Variants in LDAF1 observed in about 807,000 individuals in gnomAD.
The protein encoded by LDAF1 is lipid droplet assembly factor 1, also known as PROMETHIN.
A neutral mutation model predicts 13.5 loss-of-function variants in LDAF1; 7 were observed. That is an observed-to-expected ratio of 0.52 (90% CI 0.29 to 0.97). LDAF1 has a LOEUF of 0.97. LDAF1 is among the 50% of genes least tolerant of loss of function. The pLI, the probability that LDAF1 is intolerant of heterozygous loss-of-function variation, is 0.07. For synonymous variants in LDAF1, 69 were observed against 77.1 expected (o/e 0.89, Z 0.55); for missense variants, 148 against 193.2 (o/e 0.77, Z 1.39).
intron 4 of LDAF1, among the ~76,000 whole-genome samples, chr16:21,175,359 C>T (rs1182677380): frequency 1.3e-5 from 2 of 152,158 alleles, no homozygotes; most frequent in Non-Finnish European, 2.9e-5. Flanking sequence ...GAGAGTAGCA[C>T]AGAAGGGACT....
chr16:21,169,172 A>G, intron 2 of LDAF1: 1 of 984,930 alleles, frequency 1.0e-6, no homozygotes, highest in Non-Finnish European at 1.2e-6. Flanking sequence ...AGATTTTGCA[A>G]CTTGGAGGCT....
At chr16:21,174,733 G>A (rs1433296800) in intron 4 of LDAF1, among the ~76,000 whole-genome samples, 1 of 152,136 alleles carries the variant, frequency 6.6e-6, no homozygotes, top group Non-Finnish European at 1.5e-5. Flanking sequence ...CCTTTTAAAA[G>A]ATGTCCATTT....
intron 1 of LDAF1, chr16:21,159,266 C>G (rs558071352): frequency 2.8e-6 from 4 of 1,412,650 alleles, no homozygotes; most frequent in Non-Finnish European, 4.0e-6. Context: ...TACTCGACTC[C>G]CCTCTGAGTT....
chr16:21,180,227 C>CTTTTTTTTTTTTTTT lies in LDAF1; in HGVS notation c.*679_*693dup, dbSNP rs368048830. 2.1e-5 allele frequency: 2 copies of CTTTTTTTTTTTTTTT among 93,458 alleles called. No homozygotes were observed. Among genetic ancestry groups the CTTTTTTTTTTTTTTT allele is most frequent in the Non-Finnish European group, 4.1e-5 (2 of 49,162 alleles). The allele number at this position is 93,458 out of a possible 1,614,324, so 5.8% of individuals were successfully genotyped here. On this transcript the variant is annotated 3_prime_UTR_variant, in exon 5 of 5. Coordinates refer to ENST00000233047, the MANE Select transcript of LDAF1 (RefSeq NM_001301771.2). ...AGCTTGTCCTTTAAGTAATTTCTTT[C>CTTTTTTTTTTTTTTT]TTTTTTTTTTTTTTTTTTTTTTGTG...
chr16:21,159,651 G>A (rs560985498), intron 1 of LDAF1, among the ~76,000 whole-genome samples: 3 of 152,238 alleles, frequency 2.0e-5, no homozygotes, highest in Non-Finnish European at 4.4e-5. Context: ...CCCTTCTCGG[G>A]AGACAGCTCC....
At position 21,161,110 on chromosome 16, in the gene LDAF1, T is replaced by C; in HGVS notation, c.-73T>C. 1 of 1,583,738 alleles carries C rather than the reference T, an allele frequency of 6.3e-7. No homozygotes were observed. Among genetic ancestry groups the C allele is most frequent in the Non-Finnish European group, 8.6e-7 (1 of 1,167,180 alleles). On this transcript the variant is annotated 5_prime_UTR_variant, in exon 2 of 5. Coordinates refer to ENST00000233047, the MANE Select transcript of LDAF1 (RefSeq NM_001301771.2). Reference sequence around the variant, plus strand: ...CAAGAGACAGAGCGACATGAGAGATTGGACCGCGGGCTGCACTGGAGAATT... The same window carrying C: ...CAAGAGACAGAGCGACATGAGAGATCGGACCGCGGGCTGCACTGGAGAATT...
At chr16:21,176,556 T>TGGC (rs2093140171) in intron 4 of LDAF1, among the ~76,000 whole-genome samples, 1 of 151,954 alleles carries the variant, frequency 6.6e-6, no homozygotes, top group African/African-American at 2.4e-5. Flanking sequence ...GATGGGAGGA[T>TGGC]CATTTGGGCC....
chr16:21,178,307 C>T, intron 4 of LDAF1: 1 of 985,316 alleles, frequency 1.0e-6, no homozygotes, highest in Non-Finnish European at 1.2e-6. Context: ...AACTCACTAC[C>T]CCATATCATA....
At chr16:21,169,812 A>G (rs941871890) in intron 2 of LDAF1, among the ~76,000 whole-genome samples, 1 of 152,010 alleles carries the variant, frequency 6.6e-6, no homozygotes, top group Non-Finnish European at 1.5e-5. Flanking sequence ...TCCTTTCACA[A>G]GGCTTGACCT....
chr16:21,161,286 T>C lies in LDAF1; in HGVS notation c.96+8T>C, dbSNP rs766959108. The C allele has an allele frequency of 6.2e-7, 1 of 1,613,840 alleles. No individual in the cohort carries two copies. The highest frequency in any genetic ancestry group is 1.1e-5 in the South Asian group (1 of 90,996). ...TTCCAGAATAACTCAAAGGTCAGTT[T>C]CCAATCACTATGTATAATGGAAAAT... On this transcript the variant is annotated splice_region_variant and intron_variant, in intron 2 of 4. Transcript: ENST00000233047.
chr16:21,162,929 G>A (rs1235522015), intron 2 of LDAF1, among the ~76,000 whole-genome samples: 4 of 152,184 alleles, frequency 2.6e-5, no homozygotes, highest in Non-Finnish European at 4.4e-5. Context: ...GTTGCTGTGA[G>A]CCTCCTGTTC....
chr16:21,169,954 T>C (rs2093070015), intron 2 of LDAF1, among the ~76,000 whole-genome samples: 1 of 149,118 alleles, frequency 6.7e-6, no homozygotes, highest in African/African-American at 2.6e-5. Flanking sequence ...GCTCTTGTTA[T>C]TCTTATTATC....
chr16:21,174,257 A>G (rs1037039259), intron 4 of LDAF1, 109 bp downstream of exon 4: 6 of 1,025,702 alleles, frequency 5.8e-6, no homozygotes, highest in Non-Finnish European at 8.2e-6. Flanking sequence ...TGGCATGAAC[A>G]TAGCTCGCTA....
In LDAF1 at chr16:21,179,486, A is replaced by C. The variant is rs778242307; in HGVS notation, c.416A>C (p.Gln139Pro). The C allele has an allele frequency of 1.9e-6, 3 of 1,614,082 alleles. No homozygotes were observed. The highest frequency in any genetic ancestry group is 2.5e-6 in the Non-Finnish European group (3 of 1,180,044). ...TTGTTATCCGACAGGCCACTGACAC[A>C]GCAAAACACCAGTTGTGACTTTCTG... is the stretch of plus-strand genomic sequence containing the variant. ...SCWFSPRPLT[Q>P]QNTSCDFLPA... Residue 139 changes from glutamine (Q) to proline (P), a missense_variant, in exon 5 of 5, where the codon CAG becomes CCG. By Grantham distance (76) the Gln-to-Pro change is moderately conservative. Coordinates refer to ENST00000233047, the MANE Select transcript of LDAF1 (RefSeq NM_001301771.2).
At position 21,161,199 on chromosome 16, in the gene LDAF1, C is replaced by A; in HGVS notation, c.17C>A (p.Pro6His). 6.2e-7 allele frequency: 1 copy of A among 1,614,174 alleles called. No individual in the cohort carries two copies. Among genetic ancestry groups the A allele is most frequent in the Non-Finnish European group, 8.5e-7 (1 of 1,180,030 alleles). Residue 6 changes from proline to histidine, a missense_variant, in exon 2 of 5, where the codon CCC becomes CAC. By Grantham distance (77) the Pro-to-His change is moderately conservative. Coordinates refer to ENST00000233047, the MANE Select transcript of LDAF1 (RefSeq NM_001301771.2). ...AGCTTCAGAATGGCAAAAGAGGAGCCCCAGAGTATCTCAAGGGACTTGCAG... is the reference window on the plus strand; with the variant it reads ...AGCTTCAGAATGGCAAAAGAGGAGCACCAGAGTATCTCAAGGGACTTGCAG... MAKEE[P>H]QSISRDLQEL...
intron 1 of LDAF1, among the ~76,000 whole-genome samples, chr16:21,160,223 G>C (rs1191274144): frequency 1.3e-5 from 2 of 151,876 alleles, no homozygotes; most frequent in African/African-American, 2.4e-5. Context: ...AGATATCTCT[G>C]TGTCCAGCCA....
In LDAF1 at chr16:21,171,529, A is replaced by G. The variant is rs190676378; in HGVS notation, c.265+924A>G. On this transcript the variant is annotated intron_variant, in intron 3 of 4. Transcript: ENST00000233047. ...GGTGAATGCATGAATGAATGGATGG[A>G]GGAATGAATGAGTACCATAAGAAAG... 1.5e-3 allele frequency among the ~76,000 whole-genome samples: 236 copies of G among 152,314 alleles called. 1 individual carries two copies. The highest frequency in any genetic ancestry group is 5.0e-4 in the Non-Finnish European group (34 of 68,030).
intron 1 of LDAF1, chr16:21,159,391 C>G (rs199539962): frequency 1.2e-6 from 2 of 1,614,132 alleles, no homozygotes; most frequent in Non-Finnish European, 8.5e-7. Flanking sequence ...AGGCTGGGCC[C>G]GGATGGGGAG....
At chr16:21,172,062 C>T (rs1463693201) in intron 3 of LDAF1, among the ~76,000 whole-genome samples, 1 of 151,580 alleles carries the variant, frequency 6.6e-6, no homozygotes, top group Non-Finnish European at 1.5e-5. Flanking sequence ...ATCTTACTTT[C>T]TTTATCAAAA....
Sources: gnomAD v4.1 joint callset for allele counts (sites outside exome capture counted in the v4.1 genomes callset) on GRCh38, gnomAD v4.1.1 for gene constraint, MANE v1.5 for transcripts, NCBI Gene and HGNC (gene_info 2026-07-23, HGNC 2026-07-21) for gene names.